LHPP: variants seen among roughly 807,000 people sequenced by gnomAD.
The protein encoded by LHPP is phospholysine phosphohistidine inorganic pyrophosphate phosphatase.
A neutral mutation model predicts 30.3 loss-of-function variants in LHPP; 24 were observed. The observed-to-expected ratio is 0.79, with a 90% CI of 0.57 to 1.11. The LOEUF is 1.11. Among genes scored for constraint, LHPP ranks in the 50% most tolerant of loss-of-function variants. The probability of loss-of-function intolerance (pLI) is 0.00; values close to 1 mark genes in which losing one functional copy is unlikely to be tolerated. For missense variants in LHPP, 356 were observed against 367.2 expected (o/e 0.97, Z 0.25); for synonymous variants, 150 against 157.1 (o/e 0.95, Z 0.34).
intron 5 of LHPP, chr10:124,498,916 CTG>C (rs562748132): frequency 2.1e-4 from 58 of 280,258 alleles, no homozygotes; most frequent in South Asian, 1.7e-3. Context: ...GAGTCTCACT[CTG>C]TCACCCAGGC....
rs1255091655 is a variant in LHPP at position 124,576,632 on chromosome 10, A to T, written c.717-36632A>T. 6.6e-6 allele frequency among the ~76,000 whole-genome samples: 1 copy of T among 152,032 alleles called. No individual in the cohort carries two copies. The highest frequency in any genetic ancestry group is 3.4e-3 in the Middle Eastern group (1 of 294). On this transcript the variant is annotated intron_variant, in intron 6 of 6. Coordinates refer to ENST00000368842, the MANE Select transcript of LHPP (RefSeq NM_022126.4). The surrounding 1 kb of genome is among the most constrained non-coding windows in gnomAD (Gnocchi z 4.2). ...TGGTCTGCCCCCAGGCCTGCTGGTA[A>T]TATGGGATACAGAGGTCTCCTCACT...
At chr10:124,575,268 C>G (rs1382298385) in intron 6 of LHPP, among the ~76,000 whole-genome samples, 1 of 152,084 alleles carries the variant, frequency 6.6e-6, no homozygotes, top group Non-Finnish European at 1.5e-5. Context: ...GGCAGCTTAC[C>G]TCCTGCAGGT....
chr10:124,545,680 G>A (rs1423354291), intron 6 of LHPP, among the ~76,000 whole-genome samples: 1 of 152,192 alleles, frequency 6.6e-6, no homozygotes, highest in Non-Finnish European at 1.5e-5. Context: ...TAGTGCGAAT[G>A]TGAGTGTGTG....
intron 4 of LHPP, among the ~76,000 whole-genome samples, 163 bp downstream of exon 4, chr10:124,497,187 G>A (rs1053263983): frequency 1.3e-5 from 2 of 151,670 alleles, no homozygotes; most frequent in African/African-American, 4.9e-5. Flanking sequence ...CCGGGCCCTC[G>A]GGCCCTCAGG....
intron 6 of LHPP, among the ~76,000 whole-genome samples, chr10:124,518,400 T>C (rs746599351): frequency 7.2e-5 from 11 of 152,226 alleles, no homozygotes; most frequent in Non-Finnish European, 1.5e-4. Flanking sequence ...CTGCCTTTCC[T>C]GCAAAGGTCG....
chr10:124,534,676 C>T (rs997082381), intron 6 of LHPP, among the ~76,000 whole-genome samples: 3 of 152,218 alleles, frequency 2.0e-5, no homozygotes, highest in Non-Finnish European at 4.4e-5. Context: ...CCGCTGTGAG[C>T]GCCCGTCCTT....
chr10:124,569,085 C>T (rs920560474), intron 6 of LHPP, among the ~76,000 whole-genome samples: 3 of 152,096 alleles, frequency 2.0e-5, no homozygotes, highest in Non-Finnish European at 4.4e-5. Flanking sequence ...AGGTCTGTGC[C>T]CTGGGGTCTT....
intron 6 of LHPP, among the ~76,000 whole-genome samples, chr10:124,578,861 T>C (rs1461845719): frequency 6.6e-6 from 1 of 152,222 alleles, no homozygotes; most frequent in Non-Finnish European, 1.5e-5. Flanking sequence ...TTCACAGCCC[T>C]GAGTGCTGCT....
intron 5 of LHPP, among the ~76,000 whole-genome samples, chr10:124,504,611 A>T (rs1330552544): frequency 6.6e-6 from 1 of 151,638 alleles, no homozygotes; most frequent in African/African-American, 2.4e-5. Flanking sequence ...AAAAAAAAAA[A>T]ATAGGAAAGC....
At chr10:124,504,957 G>A in intron 5 of LHPP, among the ~76,000 whole-genome samples, 1 of 152,128 alleles carries the variant, frequency 6.6e-6, no homozygotes, top group Admixed American at 6.5e-5. Context: ...TTGAGGCTTT[G>A]GTCCCTGCCG....
chr10:124,585,037 C>T (rs1948786286), intron 6 of LHPP, among the ~76,000 whole-genome samples: 1 of 152,152 alleles, frequency 6.6e-6, no homozygotes, highest in African/African-American at 2.4e-5. Flanking sequence ...ATTTGGGTCC[C>T]ATCCCCAAGA....
intron 6 of LHPP, among the ~76,000 whole-genome samples, chr10:124,524,885 C>G (rs1758161350): frequency 6.6e-6 from 1 of 152,184 alleles, no homozygotes; most frequent in Non-Finnish European, 1.5e-5. Context: ...ATAAAATATG[C>G]CATTAAACAA....
At position 124,590,305 on chromosome 10, in the gene LHPP, G is replaced by A. The variant is rs1227045850; in HGVS notation, c.717-22959G>A. Among the ~76,000 whole-genome samples, 1 of 152,160 alleles carries A rather than the reference G, an allele frequency of 6.6e-6. No individual in the cohort carries two copies. Among genetic ancestry groups the A allele is most frequent in the Non-Finnish European group, 1.5e-5 (1 of 68,034 alleles). On this transcript the variant is annotated intron_variant, in intron 6 of 6. Coordinates refer to ENST00000368842, the MANE Select transcript of LHPP (RefSeq NM_022126.4). The surrounding 1 kb of genome is among the most constrained non-coding windows in gnomAD (Gnocchi z 4.3). ...CCCCACTGCCAGGCTGCTCAGGAGT[G>A]GCTCCCACCCTCGACTGCGGGGAAG...
chr10:124,484,214 G>A lies in LHPP; in HGVS notation c.201G>A (p.Gln67=). 1.2e-6 allele frequency: 2 copies of A among 1,614,154 alleles called. No individual in the cohort carries two copies. The highest frequency in any genetic ancestry group is 1.7e-6 in the Non-Finnish European group (2 of 1,180,024). Reference sequence around the variant, plus strand: ...AGTCCCGGGCAGAGCTGGTGGGGCAGCTTCAGAGGCTGGGATTTGACATCT... The same window carrying A: ...AGTCCCGGGCAGAGCTGGTGGGGCAACTTCAGAGGCTGGGATTTGACATCT... The part of the protein sequence containing the change: ...SQKSRAELVG[Q]LQRLGFDISE... Residue 67 remains glutamine, a synonymous_variant, in exon 2 of 7, where the codon CAG becomes CAA. Transcript: ENST00000368842.
chr10:124,536,079 G>A (rs1009126946), intron 6 of LHPP, among the ~76,000 whole-genome samples: 7 of 152,262 alleles, frequency 4.6e-5, no homozygotes, highest in African/African-American at 1.7e-4. Context: ...TTACAGACGC[G>A]GAAGCCGGGG....
intron 6 of LHPP, among the ~76,000 whole-genome samples, chr10:124,572,649 A>AGAAAGGCAAGAAAGGAAG (rs769612527): frequency 6.0e-5 from 9 of 149,806 alleles, no homozygotes; most frequent in African/African-American, 2.2e-4. Context: ...AAAGAAAGTA[A>AGAAAGGCAAGAAAGGAAG]GAAAGGAAAG....
intron 6 of LHPP, among the ~76,000 whole-genome samples, chr10:124,612,104 T>C (rs560003860): frequency 6.6e-6 from 1 of 152,174 alleles, no homozygotes; most frequent in South Asian, 2.1e-4. Flanking sequence ...CTCAAATGAC[T>C]GTCAAGACTG....
At chr10:124,513,458 A>T (rs77749830) in intron 5 of LHPP, among the ~76,000 whole-genome samples, 37 of 88,552 alleles carry the variant, frequency 4.2e-4, no homozygotes, top group East Asian at 1.0e-3. Context: ...TAAAATTATT[A>T]TTACTTTTTT....
At position 124,546,612 on chromosome 10, in the gene LHPP, A is replaced by G. The variant is rs113190697; in HGVS notation, c.716+29341A>G. Among the ~76,000 whole-genome samples the G allele has an allele frequency of 5.0e-4, 76 of 151,924 alleles. 1 individual carries two copies. In the South Asian group the frequency reaches 8.3e-3, roughly 17 times the overall value. ...TTTTTAGTAGAGATGGGGTTTCACC[A>G]TGTTAGCCAGGATGGTCTTGATCTC... is the stretch of plus-strand genomic sequence containing the variant. On this transcript the variant is annotated intron_variant, in intron 6 of 6. Transcript: ENST00000368842.
Sources: gnomAD v4.1 joint callset for allele counts (sites outside exome capture counted in the v4.1 genomes callset) on GRCh38, gnomAD v4.1.1 for gene constraint, Gnocchi (gnomAD v3.1) non-coding constraint, MANE v1.5 for transcripts, NCBI Gene and HGNC (gene_info 2026-07-23, HGNC 2026-07-21) for gene names.